Variants in PCDH9 observed in about 807,000 individuals in gnomAD.
PCDH9 encodes the protein protocadherin 9, also known as protocadherin-9.
Under a neutral mutation model 70.6 loss-of-function variants are expected in PCDH9, and 24 were observed. The observed-to-expected ratio is 0.34, with a 90% CI of 0.25 to 0.48. The LOEUF is 0.48. Among genes scored for constraint, PCDH9 ranks in the 20% least tolerant of loss-of-function variants. The pLI is 0.99. For synonymous variants in PCDH9, 562 were observed against 558.5 expected (o/e 1.01, Z -0.09); for missense variants, 1,281 against 1,503.6 (o/e 0.85, Z 2.45).
chr13:67,096,594 A>G (rs1428929819), intron 2 of PCDH9, among the ~76,000 whole-genome samples: 1 of 152,204 alleles, frequency 6.6e-6, no homozygotes, highest in Non-Finnish European at 1.5e-5. Flanking sequence ...TGTTGTTCAC[A>G]TCTCTTCAAC....
At chr13:66,756,438 G>A (rs2079539245) in intron 3 of PCDH9, among the ~76,000 whole-genome samples, 1 of 152,120 alleles carries the variant, frequency 6.6e-6, no homozygotes, top group South Asian at 2.1e-4. Context: ...TACAATTAAA[G>A]ACTGCAAGGA....
chr13:66,819,368 T>C (rs962959212), intron 3 of PCDH9, among the ~76,000 whole-genome samples: 1 of 152,150 alleles, frequency 6.6e-6, no homozygotes, highest in Non-Finnish European at 1.5e-5. Context: ...CTTGACTCTT[T>C]ATTTACTAAA....
In PCDH9 at chr13:66,596,942, T is replaced by C. The variant is rs565560649; in HGVS notation, c.3340+34268A>G. Among the ~76,000 whole-genome samples, 33 of 151,684 alleles carry C rather than the reference T, an allele frequency of 2.2e-4. 1 individual carries two copies. In the South Asian group the frequency reaches 5.0e-3, roughly 23 times the overall value. ...TTCTCATTTAGAGTTACCACCCATCTGGAAAGTACTTTCTATGTATAGCGT... is the reference window on the plus strand; with the variant it reads ...TTCTCATTTAGAGTTACCACCCATCCGGAAAGTACTTTCTATGTATAGCGT... On this transcript the variant is annotated intron_variant, in intron 4 of 4. Coordinates refer to ENST00000377865, the MANE Select transcript of PCDH9 (RefSeq NM_203487.3).
intron 3 of PCDH9, among the ~76,000 whole-genome samples, chr13:66,835,691 C>T (rs1212469678): frequency 1.3e-5 from 2 of 152,080 alleles, no homozygotes; most frequent in Admixed American, 6.6e-5. Context: ...TGTCTATAAA[C>T]ATCTGAATTA....
chr13:66,318,313 T>C (rs1831335573), intron 4 of PCDH9, among the ~76,000 whole-genome samples: 1 of 152,204 alleles, frequency 6.6e-6, no homozygotes, highest in South Asian at 2.1e-4. Context: ...TCAACTGCTA[T>C]TTTTTGACAA....
At position 66,594,346 on chromosome 13, in the gene PCDH9, A is replaced by C. The variant is rs566025339; in HGVS notation, c.3340+36864T>G. 2.0e-5 allele frequency among the ~76,000 whole-genome samples: 3 copies of C among 151,888 alleles called. No individual in the cohort carries two copies. In the East Asian group the frequency reaches 5.8e-4, roughly 30 times the overall value. On this transcript the variant is annotated intron_variant, in intron 4 of 4. Coordinates refer to ENST00000377865, the MANE Select transcript of PCDH9 (RefSeq NM_203487.3). ...GAAAATTTCTGTGAAAGAAACGTGC[A>C]ACTACCACTCCAATGTCTTACTTTA...
At chr13:66,819,829 C>G (rs1358539845) in intron 3 of PCDH9, among the ~76,000 whole-genome samples, 1 of 152,034 alleles carries the variant, frequency 6.6e-6, no homozygotes, top group Non-Finnish European at 1.5e-5. Context: ...CCAGGAAGCC[C>G]ATGCTACAGT....
chr13:66,495,351 T>C (rs2138543922), intron 4 of PCDH9, among the ~76,000 whole-genome samples: 1 of 152,246 alleles, frequency 6.6e-6, no homozygotes, highest in South Asian at 2.1e-4. Context: ...TGAAAAACAC[T>C]AAAGAGAATT....
chr13:66,447,747 G>T (rs201019042), intron 4 of PCDH9, among the ~76,000 whole-genome samples: 1 of 152,264 alleles, frequency 6.6e-6, no homozygotes, highest in Admixed American at 6.5e-5. Flanking sequence ...GTGAGTGAAA[G>T]TTGTCTTGTA....
intron 3 of PCDH9, among the ~76,000 whole-genome samples, chr13:66,802,638 C>A (rs1395910986): frequency 6.6e-6 from 1 of 151,970 alleles, no homozygotes. Flanking sequence ...GTTAATATTT[C>A]TCTCACAAGA....
chr13:66,879,089 C>T (rs780235667), intron 3 of PCDH9, among the ~76,000 whole-genome samples: 1 of 152,118 alleles, frequency 6.6e-6, no homozygotes, highest in Non-Finnish European at 1.5e-5. Flanking sequence ...ATGGAGTAGA[C>T]AGTCATTTTG....
At chr13:66,872,211 AT>A (rs2081705569) in intron 3 of PCDH9, among the ~76,000 whole-genome samples, 1 of 152,112 alleles carries the variant, frequency 6.6e-6, no homozygotes, top group Admixed American at 6.6e-5. Context: ...ATATGGTGAA[AT>A]ATAGCTTTCA....
intron 2 of PCDH9, chr13:67,214,902 A>C (rs2089553984): frequency 7.6e-6 from 1 of 131,144 alleles, no homozygotes; most frequent in Non-Finnish European, 1.6e-5. Flanking sequence ...AAAAACAGGT[A>C]ACATTTTCTG....
chr13:66,372,435 G>A (rs1956671473), intron 4 of PCDH9, among the ~76,000 whole-genome samples: 3 of 151,684 alleles, frequency 2.0e-5, no homozygotes, highest in Admixed American at 1.3e-4. Flanking sequence ...TATAAAAAGA[G>A]TCGAGAAGAT....
At chr13:66,844,336 C>T (rs905105763) in intron 3 of PCDH9, among the ~76,000 whole-genome samples, 6 of 152,076 alleles carry the variant, frequency 3.9e-5, no homozygotes, top group African/African-American at 1.4e-4. Context: ...CCTGTAATCT[C>T]AGCACTTTGG....
chr13:66,688,971 A>G (rs931637548), intron 3 of PCDH9, among the ~76,000 whole-genome samples: 2 of 152,132 alleles, frequency 1.3e-5, no homozygotes, highest in African/African-American at 4.8e-5. Flanking sequence ...GGAAAAATCT[A>G]TGGTCATTTT....
At chr13:66,365,746 A>T (rs897044780) in intron 4 of PCDH9, among the ~76,000 whole-genome samples, 3 of 152,142 alleles carry the variant, frequency 2.0e-5, no homozygotes, top group Non-Finnish European at 2.9e-5. Flanking sequence ...TTGCAGTAAC[A>T]CATTTTGTCT....
intron 2 of PCDH9, among the ~76,000 whole-genome samples, chr13:67,016,926 C>G (rs979041473): frequency 6.6e-6 from 1 of 152,074 alleles, no homozygotes; most frequent in African/African-American, 2.4e-5. Flanking sequence ...CCAAGGGCAC[C>G]CATTAAGTGC....
intron 4 of PCDH9, among the ~76,000 whole-genome samples, chr13:66,608,183 G>C (rs970378539): frequency 6.6e-6 from 1 of 150,446 alleles, no homozygotes; most frequent in African/African-American, 2.4e-5. Context: ...TGTATATATA[G>C]GTATATACAG....
Sources: gnomAD v4.1 joint callset for allele counts (sites outside exome capture counted in the v4.1 genomes callset) on GRCh38, gnomAD v4.1.1 for gene constraint, MANE v1.5 for transcripts, NCBI Gene and HGNC (gene_info 2026-07-23, HGNC 2026-07-21) for gene names.